B4GALT5: variants seen among roughly 807,000 people sequenced by gnomAD.
The protein encoded by B4GALT5 is beta-1,4-galactosyltransferase 5.
B4GALT5 carries 11 observed loss-of-function variants against 45.0 expected under a neutral mutation model. That is an observed-to-expected ratio of 0.24 (90% CI 0.15 to 0.40). The LOEUF is 0.40. B4GALT5 is among the 10% of genes least tolerant of loss of function. The pLI, the probability that B4GALT5 is intolerant of heterozygous loss-of-function variation, is 1.00. For synonymous variants in B4GALT5, 185 were observed against 182.9 expected, an observed-to-expected ratio of 1.01 and a Z score of -0.09; for missense variants, 337 against 500.2, an observed-to-expected ratio of 0.67 and a Z score of 3.11.
rs538297960 is a variant in B4GALT5 at position 49,697,428 on chromosome 20, A to T, written c.115+16148T>A. 3.7e-4 allele frequency among the ~76,000 whole-genome samples: 57 copies of T among 152,346 alleles called. No individual in the cohort carries two copies. In the Middle Eastern group the frequency reaches 0.01, roughly 27 times the overall value. Reference sequence around the variant, plus strand: ...CAATGGGAAAGCTTAAATCCTCTGGAAACGTCACTGTGATCAATGGCTTCA... The same window carrying T: ...CAATGGGAAAGCTTAAATCCTCTGGTAACGTCACTGTGATCAATGGCTTCA... On this transcript the variant is annotated intron_variant, in intron 1 of 8. Coordinates refer to ENST00000371711, the MANE Select transcript of B4GALT5 (RefSeq NM_004776.4).
At chr20:49,711,144 T>C (rs1465803479) in intron 1 of B4GALT5, among the ~76,000 whole-genome samples, 1 of 152,148 alleles carries the variant, frequency 6.6e-6, no homozygotes, top group East Asian at 1.9e-4. Flanking sequence ...ATCCTTTTTT[T>C]ATTGTTCCCC....
At chr20:49,711,928 T>G (rs1188571165) in intron 1 of B4GALT5, among the ~76,000 whole-genome samples, 2 of 152,180 alleles carry the variant, frequency 1.3e-5, no homozygotes, top group Non-Finnish European at 2.9e-5. Flanking sequence ...TGGCACTAGT[T>G]ATTGCTACAA....
At chr20:49,674,840 C>CGGTGGAG (rs2085731025) in intron 1 of B4GALT5, among the ~76,000 whole-genome samples, 1 of 152,146 alleles carries the variant, frequency 6.6e-6, no homozygotes, top group Non-Finnish European at 1.5e-5. Flanking sequence ...GTCCAAATTC[C>CGGTGGAG]TCATGCTTAG....
At chr20:49,695,282 C>A (rs2085834314) in intron 1 of B4GALT5, among the ~76,000 whole-genome samples, 1 of 152,102 alleles carries the variant, frequency 6.6e-6, no homozygotes, top group South Asian at 2.1e-4. Flanking sequence ...CCTACACAAT[C>A]CCCAGCCCCT....
intron 1 of B4GALT5, among the ~76,000 whole-genome samples, chr20:49,700,683 T>C (rs893121677): frequency 1.3e-5 from 2 of 152,212 alleles, no homozygotes; most frequent in African/African-American, 2.4e-5. Flanking sequence ...ACCACGATGA[T>C]GATGTGATAA....
intron 1 of B4GALT5, among the ~76,000 whole-genome samples, chr20:49,664,789 AACTTT>A (rs1344529372): frequency 6.6e-6 from 1 of 152,194 alleles, no homozygotes; most frequent in Non-Finnish European, 1.5e-5. Context: ...TGATGTCTAC[AACTTT>A]ACTTTCAAAT....
intron 1 of B4GALT5, among the ~76,000 whole-genome samples, chr20:49,707,481 G>A (rs1280988417): frequency 1.3e-5 from 2 of 151,718 alleles, no homozygotes; most frequent in Non-Finnish European, 2.9e-5. Context: ...TGAGTGTGCT[G>A]AGGGATTCAG....
At chr20:49,669,942 C>T (rs956852882) in intron 1 of B4GALT5, among the ~76,000 whole-genome samples, 5 of 152,140 alleles carry the variant, frequency 3.3e-5, no homozygotes, top group African/African-American at 1.2e-4. Flanking sequence ...ATGCTCATAC[C>T]TTCTGAGCTA....
rs541644774 is a variant in B4GALT5 at position 49,684,454 on chromosome 20, T to A, written c.116-27752A>T. ...AGTGTGCGCCTGTAGTCCCAGCTGC[T>A]GGGGAGGCTGAGACAGCAGAATGGT... is the stretch of plus-strand genomic sequence containing the variant. On this transcript the variant is annotated intron_variant, in intron 1 of 8. Transcript: ENST00000371711. 1.8e-3 allele frequency among the ~76,000 whole-genome samples: 273 copies of A among 151,938 alleles called. 11 individuals are homozygous for A. In the South Asian group the frequency reaches 0.056, roughly 31 times the overall value.
chr20:49,699,381 A>C (rs946141519), intron 1 of B4GALT5, among the ~76,000 whole-genome samples: 9 of 151,642 alleles, frequency 5.9e-5, no homozygotes, highest in African/African-American at 1.2e-4. Context: ...AAAAAAAAAA[A>C]AAAAAAAACC....
intron 3 of B4GALT5, among the ~76,000 whole-genome samples, chr20:49,645,928 ACACTG>A (rs1256666661): frequency 1.3e-5 from 2 of 151,626 alleles, no homozygotes; most frequent in African/African-American, 4.8e-5. Context: ...CGATCATGGC[ACACTG>A]CAGCGTGTTG....
chr20:49,656,507 C>G, intron 2 of B4GALT5, 61 bp downstream of exon 2: 2 of 1,585,386 alleles, frequency 1.3e-6, no homozygotes, highest in East Asian at 4.5e-5. Flanking sequence ...TTATTGCAAC[C>G]GAATTTACCT....
chr20:49,658,742 C>T (rs2085653226), intron 1 of B4GALT5, among the ~76,000 whole-genome samples: 1 of 152,252 alleles, frequency 6.6e-6, no homozygotes, highest in Non-Finnish European at 1.5e-5. Flanking sequence ...GTCCCACTAC[C>T]CAGACTGATG....
rs1568734078 is a variant in B4GALT5, at chr20:49,699,099, CA to C, written c.115+14476del. On this transcript the variant is annotated intron_variant, in intron 1 of 8. Transcript: ENST00000371711. ...CCATTAACCTAAATATTTTTCTAATCAAAAATCAGAAATGACGTTAATAGCA... is the reference window on the plus strand; with the variant it reads ...CCATTAACCTAAATATTTTTCTAATCAAAATCAGAAATGACGTTAATAGCA... Among the ~76,000 whole-genome samples, 3 of 152,148 alleles carry C rather than the reference CA, an allele frequency of 2.0e-5. No individual in the cohort carries two copies. The East Asian group carries it at 5.8e-4, about 29-fold the overall frequency.
intron 1 of B4GALT5, among the ~76,000 whole-genome samples, chr20:49,682,088 C>T (rs1319554425): frequency 6.6e-6 from 1 of 152,036 alleles, no homozygotes; most frequent in African/African-American, 2.4e-5. Flanking sequence ...GGAGCCAGAC[C>T]CTGTCTCAAA....
At chr20:49,648,327 C>A (rs6019947) in intron 2 of B4GALT5, among the ~76,000 whole-genome samples, 2,201 of 152,224 alleles carry the variant, frequency 0.014, 61 homozygotes, top group African/African-American at 0.05. Flanking sequence ...TGCCAGGTAT[C>A]CCCAGGTTGA....
At chr20:49,685,271 T>C (rs1049842661) in intron 1 of B4GALT5, among the ~76,000 whole-genome samples, 6 of 152,188 alleles carry the variant, frequency 3.9e-5, no homozygotes, top group Admixed American at 3.3e-4. Flanking sequence ...ACTTTCTCCA[T>C]GTTGCCGTCT....
At position 49,677,786 on chromosome 20, in the gene B4GALT5, C is replaced by T. The variant is rs59199007; in HGVS notation, c.116-21084G>A. On this transcript the variant is annotated intron_variant, in intron 1 of 8. Coordinates refer to ENST00000371711, the MANE Select transcript of B4GALT5 (RefSeq NM_004776.4). Reference sequence around the variant, plus strand: ...TTTGGGATGGAGTCTCACTCTAACGCCCTGGCTGGAGTGCAATGGTGCAAT... The same window carrying T: ...TTTGGGATGGAGTCTCACTCTAACGTCCTGGCTGGAGTGCAATGGTGCAAT... 9.2e-3 allele frequency among the ~76,000 whole-genome samples: 1,405 copies of T among 152,310 alleles called. 22 individuals carry two copies. Among genetic ancestry groups the T allele is most frequent in the African/African-American group, 0.032 (1,344 of 41,564 alleles).
chr20:49,650,413 G>A (rs2085616677), intron 2 of B4GALT5, among the ~76,000 whole-genome samples: 1 of 147,712 alleles, frequency 6.8e-6, no homozygotes, highest in Non-Finnish European at 1.5e-5. Flanking sequence ...GAGGTCAGGA[G>A]TTCGAGATCA....
Sources: gnomAD v4.1 joint callset for allele counts (sites outside exome capture counted in the v4.1 genomes callset) on GRCh38, gnomAD v4.1.1 for gene constraint, MANE v1.5 for transcripts, NCBI Gene and HGNC (gene_info 2026-07-23, HGNC 2026-07-21) for gene names.